Variants in RGS21 observed in about 807,000 individuals in gnomAD.
RGS21 encodes regulator of G protein signaling 21.
In RGS21, 19 loss-of-function variants were observed where a neutral mutation model predicts 18.7. The observed-to-expected ratio is 1.01, with a 90% CI of 0.71 to 1.49. The LOEUF (loss-of-function observed/expected upper bound fraction) is 1.49. Ranked by LOEUF, RGS21 falls within the 40% of genes most tolerant of loss-of-function variation. The pLI is 0.00. For missense variants in RGS21, 194 were observed against 176.8 expected (o/e 1.10, Z -0.55); for synonymous variants, 56 against 57.8 (o/e 0.97, Z 0.14).
At chr1:192,365,151 A>AT (rs1283109127) in intron 4 of RGS21, among the ~76,000 whole-genome samples, 1 of 151,914 alleles carries the variant, frequency 6.6e-6, no homozygotes, top group Non-Finnish European at 1.5e-5. Flanking sequence ...AAAAAAAAAA[A>AT]GCTCTTTGAA....
At chr1:192,320,316 C>A (rs910718006) in intron 1 of RGS21, among the ~76,000 whole-genome samples, 1 of 152,048 alleles carries the variant, frequency 6.6e-6, no homozygotes, top group Non-Finnish European at 1.5e-5. Flanking sequence ...ATATATCACA[C>A]AATGACATTT....
rs550172404 is a variant in RGS21, at chr1:192,359,914, A to G, written c.256-6007A>G. Reference sequence around the variant, plus strand: ...TGATAGCATAGTTCCATACATCACCAGAATTGACTTCTAGGGGCATTTAAC... The same window carrying G: ...TGATAGCATAGTTCCATACATCACCGGAATTGACTTCTAGGGGCATTTAAC... On this transcript the variant is annotated intron_variant, in intron 4 of 4. Coordinates refer to ENST00000417209, the MANE Select transcript of RGS21 (RefSeq NM_001039152.3). Among the ~76,000 whole-genome samples, 15 of 151,860 alleles carry G rather than the reference A, an allele frequency of 9.9e-5. No homozygotes were observed. The South Asian group carries it at 3.1e-3, about 32-fold the overall frequency.
chr1:192,328,145 G>A (rs966971273), intron 1 of RGS21, among the ~76,000 whole-genome samples: 5 of 152,136 alleles, frequency 3.3e-5, no homozygotes, highest in African/African-American at 4.8e-5. Context: ...TCTCTGTCAT[G>A]GACACACGTG....
chr1:192,358,010 G>T (rs1659133862), intron 4 of RGS21, among the ~76,000 whole-genome samples: 1 of 151,954 alleles, frequency 6.6e-6, no homozygotes, highest in South Asian at 2.1e-4. Context: ...TCTTAGTTTA[G>T]CATGTTGGGA....
At chr1:192,363,833 T>A (rs1400096210) in intron 4 of RGS21, among the ~76,000 whole-genome samples, 1 of 152,124 alleles carries the variant, frequency 6.6e-6, no homozygotes. Flanking sequence ...CTGTGTTTAT[T>A]TGCTTATTTT....
chr1:192,337,236 A>T (rs1571453865), intron 1 of RGS21, among the ~76,000 whole-genome samples: 4 of 152,176 alleles, frequency 2.6e-5, no homozygotes, highest in Admixed American at 2.6e-4. Flanking sequence ...ACGTTTTTGA[A>T]ATGCTAGAAT....
intron 1 of RGS21, among the ~76,000 whole-genome samples, chr1:192,319,961 G>T (rs762369403): frequency 2.7e-4 from 41 of 152,060 alleles, no homozygotes; most frequent in Non-Finnish European, 4.3e-4. Context: ...TGTGGTTGCT[G>T]GAAGTCAGAA....
Position 192,327,172 on chromosome 1 carries a change from A to G in RGS21, c.-61+10067A>G, listed in dbSNP as rs76179897. On this transcript the variant is annotated intron_variant, in intron 1 of 4. Transcript: ENST00000417209. ...AAGAAGCTATACAAGTCACCCAAAC[A>G]GCATGTGACCTTAATAAAGAGGTGG... 1.2e-3 allele frequency among the ~76,000 whole-genome samples: 182 copies of G among 152,288 alleles called. 1 individual carries two copies. Among genetic ancestry groups the G allele is most frequent in the African/African-American group, 4.3e-3 (179 of 41,568 alleles).
chr1:192,337,806 C>T (rs1481248224), intron 1 of RGS21, among the ~76,000 whole-genome samples: 1 of 152,068 alleles, frequency 6.6e-6, no homozygotes, highest in Non-Finnish European at 1.5e-5. Flanking sequence ...GTATACAATA[C>T]TTTTATATCT....
At chr1:192,349,315 C>G (rs1245069611) in intron 3 of RGS21, among the ~76,000 whole-genome samples, 4 of 152,244 alleles carry the variant, frequency 2.6e-5, no homozygotes, top group South Asian at 2.1e-4. Flanking sequence ...TACATCCGAA[C>G]AGTTGTTTGG....
intron 4 of RGS21, among the ~76,000 whole-genome samples, chr1:192,364,196 A>G (rs1659223698): frequency 6.6e-6 from 1 of 152,058 alleles, no homozygotes; most frequent in Non-Finnish European, 1.5e-5. Flanking sequence ...TGGTATAATA[A>G]ATGGACAACT....
intron 4 of RGS21, among the ~76,000 whole-genome samples, chr1:192,353,484 A>G (rs1272254211): frequency 1.3e-5 from 2 of 151,862 alleles, no homozygotes; most frequent in African/African-American, 4.8e-5. Context: ...TTTTGCTTTG[A>G]AATTAACCCT....
chr1:192,365,690 CA>C (rs1161633199), intron 4 of RGS21, among the ~76,000 whole-genome samples: 2 of 152,036 alleles, frequency 1.3e-5, no homozygotes, highest in African/African-American at 4.8e-5. Flanking sequence ...AAATAAATCT[CA>C]AAATAAGGTT....
At chr1:192,337,845 G>T (rs897906101) in intron 1 of RGS21, among the ~76,000 whole-genome samples, 1 of 151,882 alleles carries the variant, frequency 6.6e-6, no homozygotes, top group Non-Finnish European at 1.5e-5. Context: ...ATTCATTGAG[G>T]TATATGAATT....
chr1:192,343,815 G>C (rs1453278436), intron 2 of RGS21, among the ~76,000 whole-genome samples: 3 of 151,930 alleles, frequency 2.0e-5, no homozygotes, highest in African/African-American at 7.3e-5. Flanking sequence ...GAAATGAAAA[G>C]AGCCAGACAA....
At chr1:192,343,073 T>TA in intron 2 of RGS21, 26 bp downstream of exon 2, 1 of 1,609,428 alleles carries the variant, frequency 6.2e-7, no homozygotes, top group Non-Finnish European at 8.5e-7. Flanking sequence ...CAGCTATTTT[T>TA]ATCTCAGAAG....
intron 1 of RGS21, among the ~76,000 whole-genome samples, chr1:192,324,542 A>G (rs1658540191): frequency 6.6e-6 from 1 of 152,046 alleles, no homozygotes; most frequent in Non-Finnish European, 1.5e-5. Context: ...AATAATGATT[A>G]TGTTGCACTT....
At chr1:192,344,786 G>T (rs1202990471) in intron 2 of RGS21, among the ~76,000 whole-genome samples, 1 of 151,964 alleles carries the variant, frequency 6.6e-6, no homozygotes, top group Non-Finnish European at 1.5e-5. Context: ...GGCTATAAAG[G>T]AATGAGCTGA....
chr1:192,342,294 T>C (rs1383247650), intron 1 of RGS21, among the ~76,000 whole-genome samples: 4 of 152,114 alleles, frequency 2.6e-5, no homozygotes, highest in African/African-American at 9.7e-5. Context: ...ACTTTAACTA[T>C]AATTAAAATT....
Sources: gnomAD v4.1 joint callset for allele counts (sites outside exome capture counted in the v4.1 genomes callset) on GRCh38, gnomAD v4.1.1 for gene constraint, MANE v1.5 for transcripts, NCBI Gene and HGNC (gene_info 2026-07-23, HGNC 2026-07-21) for gene names.